Variants in RTF1 observed in about 807,000 individuals in gnomAD.
RTF1 encodes the protein RNA polymerase-associated protein RTF1 homolog.
A neutral mutation model predicts 95.7 loss-of-function variants in RTF1; 10 were observed. That is an observed-to-expected ratio of 0.10 (90% confidence interval 0.06 to 0.18). RTF1 has a LOEUF of 0.18. RTF1 is among the 10% of genes least tolerant of loss of function. The pLI, the probability that RTF1 is intolerant of heterozygous loss-of-function variation, is 1.00. For synonymous variants in RTF1, 305 were observed against 311.8 expected (o/e 0.98, Z 0.23); for missense variants, 458 against 875.6 (o/e 0.52, Z 6.02).
chr15:41,457,938 C>T (rs1272188269), intron 4 of RTF1, 62 bp downstream of exon 4: 11 of 1,331,404 alleles, frequency 8.3e-6, no homozygotes, highest in Non-Finnish European at 1.1e-5. Flanking sequence ...TCTCTTTTCT[C>T]ATACTTCCCT....
At chr15:41,428,745 T>G (rs532888564) in intron 1 of RTF1, among the ~76,000 whole-genome samples, 1 of 150,634 alleles carries the variant, frequency 6.6e-6, no homozygotes, top group Admixed American at 6.6e-5. Flanking sequence ...GCTAATTTAT[T>G]TATTTATTTT....
At chr15:41,480,149 C>A in intron 16 of RTF1, 65 bp from the exon 17 acceptor site, 1 of 1,011,538 alleles carries the variant, frequency 9.9e-7, no homozygotes. Context: ...CCGTTAGTGG[C>A]TGCTGCTGCT....
chr15:41,470,528 C>T (rs370996260), intron 7 of RTF1, 136 bp downstream of exon 7: 51 of 863,816 alleles, frequency 5.9e-5, no homozygotes, highest in South Asian at 3.3e-4. Flanking sequence ...AACTGAGTTC[C>T]CCAGCACGTC....
At chr15:41,470,164 A>G in intron 6 of RTF1, 93 bp from the exon 7 acceptor site, 1 of 1,358,784 alleles carries the variant, frequency 7.4e-7, no homozygotes. Flanking sequence ...GGAGCTGTGT[A>G]TTTGAGTCCT....
At chr15:41,474,788 C>A in intron 9 of RTF1, 86 bp downstream of exon 9, 1 of 963,000 alleles carries the variant, frequency 1.0e-6, no homozygotes, top group Non-Finnish European at 1.7e-6. Context: ...TGTGATGTTC[C>A]TTGTTACCAT....
intron 1 of RTF1, among the ~76,000 whole-genome samples, chr15:41,419,202 A>G (rs1201059981): frequency 6.6e-6 from 1 of 152,186 alleles, no homozygotes; most frequent in African/African-American, 2.4e-5. Context: ...GAAGGAGTAG[A>G]ATCTATTTTT....
At chr15:41,477,869 G>A (rs1462897208) in intron 14 of RTF1, among the ~76,000 whole-genome samples, 2 of 152,320 alleles carry the variant, frequency 1.3e-5, no homozygotes, top group East Asian at 3.9e-4. Context: ...ACTTTGGGAG[G>A]CCGAGGCGGG....
At chr15:41,446,819 T>C in intron 2 of RTF1, among the ~76,000 whole-genome samples, 1 of 151,884 alleles carries the variant, frequency 6.6e-6, no homozygotes, top group African/African-American at 2.4e-5. Flanking sequence ...TTTTTTTTTT[T>C]TGAGACGGAG....
At chr15:41,461,559 C>T (rs1159442037) in intron 4 of RTF1, among the ~76,000 whole-genome samples, 2 of 151,302 alleles carry the variant, frequency 1.3e-5, no homozygotes, top group African/African-American at 4.9e-5. Context: ...GTGGCGCAAC[C>T]TCGGCTGACT....
intron 8 of RTF1, 145 bp downstream of exon 8, chr15:41,471,494 G>A: frequency 1.2e-6 from 1 of 806,918 alleles, no homozygotes; most frequent in Middle Eastern, 2.4e-4. Context: ...ATAGAGCAGT[G>A]AGGTGCCCAG....
chr15:41,479,215 C>G lies in RTF1; in HGVS notation c.1914+17C>G. On this transcript the variant is annotated intron_variant, in intron 16 of 17. Transcript: ENST00000389629. ...ATGAGCAAGGCAAGTGTGGTACCAC[C>G]CTGTTGCCTGCTGAGTGAGGCTGCT... 2 of 1,549,062 alleles carry G rather than the reference C, an allele frequency of 1.3e-6. No homozygotes were observed. The highest frequency in any genetic ancestry group is 1.8e-6 in the Non-Finnish European group (2 of 1,122,474).
intron 2 of RTF1, among the ~76,000 whole-genome samples, chr15:41,440,999 TCTCA>T (rs2050731380): frequency 8.0e-6 from 1 of 124,604 alleles, no homozygotes; most frequent in African/African-American, 3.1e-5. Flanking sequence ...TGAGACGGAG[TCTCA>T]CTCTGTCACC....
At chr15:41,469,880 A>T (rs2050901085) in intron 6 of RTF1, among the ~76,000 whole-genome samples, 1 of 152,102 alleles carries the variant, frequency 6.6e-6, no homozygotes, top group Non-Finnish European at 1.5e-5. Context: ...ACCAGTGGTG[A>T]TTTAGCCACT....
At chr15:41,424,065 C>T (rs983027021) in intron 1 of RTF1, among the ~76,000 whole-genome samples, 7 of 152,096 alleles carry the variant, frequency 4.6e-5, no homozygotes, top group Non-Finnish European at 7.4e-5. Context: ...GATTGTTCAT[C>T]GTTCAACAGA....
At chr15:41,474,835 G>A in intron 9 of RTF1, 133 bp downstream of exon 9, 1 of 716,408 alleles carries the variant, frequency 1.4e-6, no homozygotes, top group African/African-American at 1.8e-5. Context: ...GGTACACTTG[G>A]AGGGAGACTT....
intron 16 of RTF1, among the ~76,000 whole-genome samples, chr15:41,479,677 A>G (rs911420873): frequency 7.2e-5 from 11 of 152,234 alleles, no homozygotes; most frequent in African/African-American, 2.6e-4. Flanking sequence ...CCTGGCCAAC[A>G]TGGTAGAACC....
chr15:41,434,215 T>C (rs1298925609), intron 1 of RTF1, among the ~76,000 whole-genome samples: 1 of 150,214 alleles, frequency 6.7e-6, no homozygotes, highest in Non-Finnish European at 1.5e-5. Flanking sequence ...ACTTTTGGGC[T>C]CAAGCGGTCC....
rs763716068 is a variant in RTF1, at chr15:41,475,584, A to C, written c.1346A>C (p.Glu449Ala). The change falls in exon 10 of 18, where the codon GAA becomes GCA. Residue 449 changes from glutamate (E) to alanine (A), a missense_variant. Around this residue, in one of 11 missense-constraint regions of RTF1, gnomAD observed 150 missense variants for 275.7 expected, o/e 0.54. Transcript: ENST00000389629. ...TTTGTCTCAAACCAAGAATTCACCG[A>C]AAGTGAGTTTATGAAGTGGAAAGAA... ...LEFVSNQEFT[E>A]SEFMKWKEAM... 2.5e-6 allele frequency: 4 copies of C among 1,614,178 alleles called. No homozygotes were observed. In the Admixed American group the frequency reaches 6.7e-5, roughly 27 times the overall value.
At chr15:41,448,881 AAATT>A (rs2050776343) in intron 2 of RTF1, 1 of 151,924 alleles carries the variant, frequency 6.6e-6, no homozygotes, top group Admixed American at 6.6e-5. Flanking sequence ...ATATTAAATT[AAATT>A]AATTAATTTA....
Sources: gnomAD v4.1 joint callset for allele counts (sites outside exome capture counted in the v4.1 genomes callset) on GRCh38, gnomAD v4.1.1 for gene constraint, gnomAD v4.1.1 regional missense constraint, MANE v1.5 for transcripts, NCBI Gene and HGNC (gene_info 2026-07-23, HGNC 2026-07-21) for gene names.